Variants in SMARCA2 observed in about 807,000 individuals in gnomAD.
The protein encoded by SMARCA2 is SWI/SNF related BAF chromatin remodeling complex subunit ATPase 2.
Under a neutral mutation model 199.8 loss-of-function variants are expected in SMARCA2, and 61 were observed. That is an observed-to-expected ratio of 0.31 (90% CI 0.25 to 0.38). The LOEUF is 0.38. Among genes scored for constraint, SMARCA2 ranks in the 10% least tolerant of loss-of-function variants. The pLI, the probability that SMARCA2 is intolerant of heterozygous loss-of-function variation, is 1.00. For synonymous variants in SMARCA2, 935 were observed against 732.0 expected (o/e 1.28, Z -4.48); for missense variants, 1,344 against 2,012.2 (o/e 0.67, Z 6.35).
rs1187761249 is a variant in SMARCA2 at position 2,028,657 on chromosome 9, TCTGTTGA to T, written c.-36-327_-36-321del. 2.0e-5 allele frequency among the ~76,000 whole-genome samples: 3 copies of T among 152,362 alleles called. No homozygotes were observed. In the East Asian group the frequency reaches 5.8e-4, roughly 29 times the overall value. On this transcript the variant is annotated intron_variant, in intron 1 of 33. Coordinates refer to ENST00000349721, the MANE Select transcript of SMARCA2 (RefSeq NM_003070.5). The stretch of plus-strand genomic sequence containing the variant: ...CCAAGGTAGTAAGTAATGGAGAGCA[TCTGTTGA>T]CTTCAGTAATAAATTTCAAACTTGT...
intron 27 of SMARCA2, among the ~76,000 whole-genome samples, chr9:2,125,634 C>T (rs760900091): frequency 6.6e-6 from 1 of 151,952 alleles, no homozygotes. Flanking sequence ...GGATTACAGG[C>T]GCATACCACC....
chr9:2,097,315 A>G, intron 20 of SMARCA2, 70 bp from the exon 21 acceptor site: 9 of 966,686 alleles, frequency 9.3e-6, no homozygotes, highest in Non-Finnish European at 1.3e-5. Context: ...TAAGAAGCCC[A>G]GTGTGAAGGA....
rs377640860 is a variant in SMARCA2, at chr9:2,088,420, C to T, written c.2770-80C>T. The T allele has an allele frequency of 6.0e-5, 89 of 1,472,452 alleles. No individual in the cohort carries two copies. The South Asian group carries it at 1.1e-3, about 19-fold the overall frequency. The allele number at this position is 1,472,452 out of a possible 1,614,324, so 91.2% of individuals were successfully genotyped here. ...AAAATGTCAATCATGTATTGAACCACACATATGTAACATAAAGCTTTATTG... is the reference window on the plus strand; with the variant it reads ...AAAATGTCAATCATGTATTGAACCATACATATGTAACATAAAGCTTTATTG... On this transcript the variant is annotated intron_variant, in intron 18 of 33. Transcript: ENST00000349721.
At chr9:2,105,615 T>C (rs1822720292) in intron 23 of SMARCA2, among the ~76,000 whole-genome samples, 1 of 152,228 alleles carries the variant, frequency 6.6e-6, no homozygotes, top group South Asian at 2.1e-4. Context: ...TGTCAATTTT[T>C]AGTTCACAAA....
At chr9:2,159,822 G>C in intron 27 of SMARCA2, 1 of 1,611,276 alleles carries the variant, frequency 6.2e-7, no homozygotes, top group East Asian at 2.2e-5. Context: ...AGCTGATGAA[G>C]AGACTAGCAG....
At chr9:2,146,236 T>G (rs1337334631) in intron 27 of SMARCA2, among the ~76,000 whole-genome samples, 1 of 152,142 alleles carries the variant, frequency 6.6e-6, no homozygotes, top group Non-Finnish European at 1.5e-5. Flanking sequence ...GGGGTCTTTT[T>G]TAATAAGGGC....
chr9:2,115,119 A>G lies in SMARCA2; in HGVS notation c.3457-703A>G, dbSNP rs1022795736. The stretch of plus-strand genomic sequence containing the variant: ...TCCTTATTTCTAAATCTTTGTGCAT[A>G]TCTATGATTATTTGTTTAGGATACA... On this transcript the variant is annotated intron_variant, in intron 24 of 33. Coordinates refer to ENST00000349721, the MANE Select transcript of SMARCA2 (RefSeq NM_003070.5). This position sits in a 1 kb window ranked among gnomAD's most constrained non-coding sequence, Gnocchi z 6.0. Among the ~76,000 whole-genome samples the G allele has an allele frequency of 2.7e-5, 4 of 148,784 alleles. No individual in the cohort carries two copies. The highest frequency in any genetic ancestry group is 4.4e-5 in the Non-Finnish European group (3 of 67,904).
intron 2 of SMARCA2, among the ~76,000 whole-genome samples, chr9:2,029,995 GC>G (rs1233325243): frequency 2.0e-5 from 3 of 152,206 alleles, no homozygotes; most frequent in African/African-American, 7.2e-5. Context: ...GTGACAGTTT[GC>G]TTTGAAAGTA....
intron 21 of SMARCA2, 93 bp from the exon 22 acceptor site, chr9:2,101,477 T>C: frequency 1.6e-6 from 1 of 631,540 alleles, no homozygotes. Flanking sequence ...GTTTTAACTA[T>C]AGAAATAGGT....
chr9:2,032,819 T>C lies in SMARCA2; in HGVS notation c.226-133T>C. ...TTGCTGATCCTTTTGGTCTAGTCTC[T>C]TTTTTTAACTCTAGAATGGGTAGTA... On this transcript the variant is annotated intron_variant, in intron 2 of 33. Coordinates refer to ENST00000349721, the MANE Select transcript of SMARCA2 (RefSeq NM_003070.5). The C allele has an allele frequency of 5.7e-6, 4 of 707,558 alleles. No homozygotes were observed. The South Asian group carries it at 6.8e-5, about 12-fold the overall frequency. The allele number at this position is 707,558 out of a possible 1,614,324, so 43.8% of individuals were successfully genotyped here.
At chr9:2,078,674 G>A (rs1821431755) in intron 14 of SMARCA2, among the ~76,000 whole-genome samples, 1 of 152,102 alleles carries the variant, frequency 6.6e-6, no homozygotes, top group Non-Finnish European at 1.5e-5. Flanking sequence ...GCCAGGTGCG[G>A]TAGCTCACGC....
chr9:2,026,695 G>C (rs1818846672), intron 1 of SMARCA2, among the ~76,000 whole-genome samples: 1 of 152,094 alleles, frequency 6.6e-6, no homozygotes, highest in Admixed American at 6.5e-5. Flanking sequence ...CAGGAAGTAA[G>C]CAATTTCCTT....
At chr9:2,166,091 A>T (rs1408402025) in intron 28 of SMARCA2, among the ~76,000 whole-genome samples, 1 of 152,234 alleles carries the variant, frequency 6.6e-6, no homozygotes, top group Non-Finnish European at 1.5e-5. Flanking sequence ...AACCTCAGAG[A>T]ATAAATCTGC....
rs565389298 is a variant in SMARCA2 at position 2,022,302 on chromosome 9, G to A, written c.-36-6685G>A. On this transcript the variant is annotated intron_variant, in intron 1 of 33. Coordinates refer to ENST00000349721, the MANE Select transcript of SMARCA2 (RefSeq NM_003070.5). ...ATGCGAGCATATAGTAGCTCACAAG[G>A]TGTCTTCATATCTCATATTTTATTT... is the stretch of plus-strand genomic sequence containing the variant. 3.9e-5 allele frequency among the ~76,000 whole-genome samples: 6 copies of A among 152,302 alleles called. No individual in the cohort carries two copies. In the South Asian group the frequency reaches 8.3e-4, roughly 21 times the overall value.
intron 28 of SMARCA2, chr9:2,162,768 G>A (rs1210934218): frequency 1.3e-5 from 2 of 152,166 alleles, no homozygotes; most frequent in Non-Finnish European, 2.9e-5. Context: ...TCTTAAGGGG[G>A]TGCATCATTC....
In SMARCA2 at chr9:2,123,640, G is replaced by C. The variant is rs1823561026; in HGVS notation, c.3763-79G>C. 3.2e-6 allele frequency: 4 copies of C among 1,257,748 alleles called. No individual in the cohort carries two copies. Among genetic ancestry groups the C allele is most frequent in the South Asian group, 1.2e-5 (1 of 80,056 alleles). 77.9% of individuals were successfully genotyped at this position (1,257,748 alleles called of 1,614,324 possible). On this transcript the variant is annotated intron_variant, in intron 26 of 33. Transcript: ENST00000349721. The surrounding 1 kb of genome is among the most constrained non-coding windows in gnomAD (Gnocchi z 4.1). ...ACCCTGCAGCCATAGGAAGTGACTT[G>C]GGGAAGTTGTGTAGTGCTGGGAAGT...
chr9:2,131,448 T>G (rs1823944062), intron 27 of SMARCA2, among the ~76,000 whole-genome samples: 1 of 152,188 alleles, frequency 6.6e-6, no homozygotes, highest in Non-Finnish European at 1.5e-5. Flanking sequence ...GTGATGAGAC[T>G]TATTTCTTTA....
In SMARCA2 at chr9:2,161,601, G is replaced by C; in HGVS notation, c.3982-85G>C. ...TTTCTTTCATTTTATTCTAATTGTT[G>C]GAGCTATATATAAATATACACATAC... is the stretch of plus-strand genomic sequence containing the variant. On this transcript the variant is annotated intron_variant, in intron 27 of 33. Transcript: ENST00000349721. This position sits in a 1 kb window ranked among gnomAD's most constrained non-coding sequence, Gnocchi z 4.7. The C allele has an allele frequency of 1.2e-6, 1 of 841,604 alleles. No individual in the cohort carries two copies. Among genetic ancestry groups the C allele is most frequent in the Admixed American group, 2.5e-5 (1 of 39,696 alleles). The allele number at this position is 841,604 out of a possible 1,614,324, so 52.1% of individuals were successfully genotyped here.
At position 2,039,982 on chromosome 9, in the gene SMARCA2, A is replaced by G. The variant is rs1307420448; in HGVS notation, c.790+82A>G. 2 of 1,571,662 alleles carry G rather than the reference A, an allele frequency of 1.3e-6. No homozygotes were observed. Among genetic ancestry groups the G allele is most frequent in the Non-Finnish European group, 1.7e-6 (2 of 1,161,188 alleles). ...CTGCTCACCAAAACACCGGGTTGTT[A>G]AAAGCCCGGGGCTGACGTAGCCTTT... On this transcript the variant is annotated intron_variant, in intron 4 of 33. Coordinates refer to ENST00000349721, the MANE Select transcript of SMARCA2 (RefSeq NM_003070.5). This position sits in a 1 kb window ranked among gnomAD's most constrained non-coding sequence, Gnocchi z 4.8.
Sources: allele counts gnomAD v4.1 joint callset (sites outside exome capture counted in the v4.1 genomes callset), GRCh38; gene constraint gnomAD v4.1.1; non-coding constraint Gnocchi (gnomAD v3.1); transcripts MANE v1.5; gene names NCBI Gene and HGNC (gene_info 2026-07-23, HGNC 2026-07-21).